PDE1C: variants seen among roughly 807,000 people sequenced by gnomAD.
The protein encoded by PDE1C is phosphodiesterase 1C.
PDE1C carries 62 observed loss-of-function variants against 93.1 expected under a neutral mutation model. The ratio of observed to expected loss-of-function variants is 0.67; its 90% CI spans 0.54 to 0.82. The LOEUF (loss-of-function observed/expected upper bound fraction) is 0.82, where lower values mean the gene tolerates loss of function less well. Among genes scored for constraint, PDE1C ranks in the 40% least tolerant of loss-of-function variants. PDE1C has a pLI of 0.00. For synonymous variants in PDE1C, 325 were observed against 310.1 expected, an observed-to-expected ratio of 1.05 and a Z score of -0.50; for missense variants, 742 against 884.6, an observed-to-expected ratio of 0.84 and a Z score of 2.04.
At chr7:31,953,056 T>C (rs551846369) in intron 2 of PDE1C, among the ~76,000 whole-genome samples, 1 of 152,234 alleles carries the variant, frequency 6.6e-6, no homozygotes, top group African/African-American at 2.4e-5. Flanking sequence ...CCACAGTAGG[T>C]GTTCAAAAAA....
intron 1 of PDE1C, among the ~76,000 whole-genome samples, chr7:32,284,509 T>C (rs1363654183): frequency 6.6e-6 from 1 of 152,224 alleles, no homozygotes; most frequent in Non-Finnish European, 1.5e-5. Context: ...AATGAATTAA[T>C]TGCTTCTTTA....
chr7:31,916,767 A>C (rs910083046), intron 2 of PDE1C, among the ~76,000 whole-genome samples: 3 of 152,146 alleles, frequency 2.0e-5, no homozygotes, highest in African/African-American at 7.2e-5. Context: ...GTTTATATTA[A>C]ATTATGATAA....
intron 1 of PDE1C, among the ~76,000 whole-genome samples, chr7:32,239,693 T>C (rs1808398986): frequency 6.6e-6 from 1 of 152,170 alleles, no homozygotes; most frequent in African/African-American, 2.4e-5. Context: ...AGCAATGTTC[T>C]TTAGAGGACA....
intron 2 of PDE1C, among the ~76,000 whole-genome samples, chr7:31,998,023 TTTA>T (rs1784954691): frequency 6.7e-6 from 1 of 149,264 alleles, no homozygotes; most frequent in African/African-American, 2.4e-5. Flanking sequence ...TATTTATTTA[TTTA>T]TTTATTTTTT....
intron 4 of PDE1C, 63 bp downstream of exon 4, chr7:31,878,933 G>C: frequency 6.7e-7 from 1 of 1,484,826 alleles, no homozygotes; most frequent in Non-Finnish European, 9.3e-7. Context: ...AAAGCTTCCA[G>C]TTATTGGAAA....
chr7:32,031,335 A>C (rs919898273), intron 2 of PDE1C, among the ~76,000 whole-genome samples: 2 of 152,160 alleles, frequency 1.3e-5, no homozygotes, highest in Non-Finnish European at 2.9e-5. Context: ...CCCCCTAACA[A>C]CCCTATCTTT....
At chr7:32,396,523 G>T (rs1186044533) in intron 1 of PDE1C, among the ~76,000 whole-genome samples, 7 of 52,918 alleles carry the variant, frequency 1.3e-4, no homozygotes, top group Admixed American at 2.4e-4. Flanking sequence ...ATTGAAGTAT[G>T]GGGGGGGGGA....
intron 1 of PDE1C, among the ~76,000 whole-genome samples, chr7:32,376,652 A>C (rs916931476): frequency 1.3e-5 from 2 of 152,150 alleles, no homozygotes; most frequent in African/African-American, 4.8e-5. Context: ...CAGCTTCCTA[A>C]GAACATGTCT....
intron 2 of PDE1C, among the ~76,000 whole-genome samples, chr7:32,204,880 T>C (rs1039711878): frequency 3.3e-5 from 5 of 152,152 alleles, no homozygotes; most frequent in African/African-American, 7.2e-5. Context: ...TGTATTGTAG[T>C]AGTCACTTCT....
chr7:32,371,298 A>G (rs1236480171), intron 1 of PDE1C, among the ~76,000 whole-genome samples: 1 of 152,182 alleles, frequency 6.6e-6, no homozygotes, highest in African/African-American at 2.4e-5. Context: ...AGACTCCCCA[A>G]GCCAGTTTGA....
intron 15 of PDE1C, among the ~76,000 whole-genome samples, chr7:31,813,899 T>C (rs999036264): frequency 1.3e-5 from 2 of 152,110 alleles, no homozygotes; most frequent in Non-Finnish European, 2.9e-5. Context: ...TGTGTGAGAA[T>C]ATACAATGTT....
intron 17 of PDE1C, among the ~76,000 whole-genome samples, chr7:31,771,544 C>T (rs546760532): frequency 3.3e-5 from 5 of 152,096 alleles, no homozygotes; most frequent in African/African-American, 7.2e-5. Context: ...AGTCCTTTGG[C>T]CATTTTTGAA....
chr7:31,739,744 T>C, the PDE1C span, among the ~76,000 whole-genome samples: 6 of 152,210 alleles, frequency 3.9e-5, no homozygotes, highest in East Asian at 9.7e-4. Context: ...TGGTGAACAC[T>C]CAGTCAGTGT....
chr7:32,182,454 A>G (rs10230957), intron 2 of PDE1C, among the ~76,000 whole-genome samples: 28,914 of 152,098 alleles, frequency 0.19, 2,913 homozygotes, highest in East Asian at 0.26. Flanking sequence ...ATCCACCATG[A>G]TCAAGTGGGC....
intron 17 of PDE1C, among the ~76,000 whole-genome samples, chr7:31,771,751 A>G (rs921064226): frequency 6.6e-6 from 1 of 152,144 alleles, no homozygotes; most frequent in Non-Finnish European, 1.5e-5. Context: ...AGTCCAATTT[A>G]TCTATTGCTT....
chr7:32,187,586 A>G (rs1203518413), intron 2 of PDE1C, among the ~76,000 whole-genome samples: 1 of 148,860 alleles, frequency 6.7e-6, no homozygotes, highest in Non-Finnish European at 1.5e-5. Flanking sequence ...TTTGGACTTA[A>G]AGATACATTT....
intron 2 of PDE1C, among the ~76,000 whole-genome samples, chr7:32,000,129 C>G (rs896550162): frequency 6.6e-6 from 1 of 152,110 alleles, no homozygotes; most frequent in Non-Finnish European, 1.5e-5. Flanking sequence ...GTTATGGTGA[C>G]GTCCGGCAGT....
the PDE1C span, among the ~76,000 whole-genome samples, chr7:31,713,602 C>A: frequency 3.3e-5 from 5 of 152,234 alleles, no homozygotes; most frequent in Admixed American, 2.6e-4. Flanking sequence ...CCCTTGTGCA[C>A]CACCCTAGCA....
chr7:31,998,186 A>AT (rs1297671476), intron 2 of PDE1C, among the ~76,000 whole-genome samples: 2 of 151,614 alleles, frequency 1.3e-5, no homozygotes, highest in Middle Eastern at 3.2e-3. Context: ...TGCCCAGCTA[A>AT]TTTTTTGTAT....
Sources: allele counts gnomAD v4.1 joint callset (sites outside exome capture counted in the v4.1 genomes callset), GRCh38; gene constraint gnomAD v4.1.1; transcripts MANE v1.5; gene names NCBI Gene and HGNC (gene_info 2026-07-23, HGNC 2026-07-21).